KMT2A: variants seen among roughly 807,000 people sequenced by gnomAD.
KMT2A encodes lysine methyltransferase 2A, also known as histone-lysine N-methyltransferase 2A.
A neutral mutation model predicts 345.3 loss-of-function variants in KMT2A; 16 were observed. That is an observed-to-expected ratio of 0.05 (90% CI 0.03 to 0.07). The LOEUF is 0.07. Among genes scored for constraint, KMT2A ranks in the 10% least tolerant of loss-of-function variants. The pLI, the probability that KMT2A is intolerant of heterozygous loss-of-function variation, is 1.00. For missense variants in KMT2A, 3,272 were observed against 4,841.6 expected (o/e 0.68, Z 9.62); for synonymous variants, 1,599 against 1,778.6 (o/e 0.90, Z 2.54).
chr11:118,457,042 C>T (rs1014177465), intron 1 of KMT2A, among the ~76,000 whole-genome samples: 4 of 152,014 alleles, frequency 2.6e-5, no homozygotes, highest in Non-Finnish European at 5.9e-5. Context: ...CCCCTTAATC[C>T]GTATGGCCAC....
chr11:118,519,552 C>A, intron 31 of KMT2A, 66 bp from the exon 32 acceptor site: 1 of 1,449,268 alleles, frequency 6.9e-7, no homozygotes, highest in Non-Finnish European at 9.6e-7. Context: ...ATAGGCATTT[C>A]TGTAGGACCA....
chr11:118,526,625 G>T lies in KMT2A; in HGVS notation c.*4453G>T. The stretch of plus-strand genomic sequence containing the variant: ...GAAAATGTGTCTAAAGTCCATCAGT[G>T]TTAACTCCCTGTGACAGGGATGAAG... On this transcript the variant is annotated 3_prime_UTR_variant, in exon 36 of 36. Coordinates refer to ENST00000534358, the MANE Select transcript of KMT2A (RefSeq NM_001197104.2). The T allele has an allele frequency of 8.7e-6, 2 of 230,762 alleles. No homozygotes were observed. Among genetic ancestry groups the T allele is most frequent in the Non-Finnish European group, 1.7e-5 (2 of 116,812 alleles). The allele number at this position is 230,762 out of a possible 1,614,324, so 14.3% of individuals were successfully genotyped here. A position where few individuals can be genotyped will look rare whatever the true frequency, so the allele number is the denominator to read the frequency against.
At chr11:118,468,943 C>G in intron 2 of KMT2A, 99 bp downstream of exon 2, 2 of 839,332 alleles carry the variant, frequency 2.4e-6, no homozygotes, top group Non-Finnish European at 2.0e-6. Context: ...CTCTACCATA[C>G]TTGGGTTAGG....
Position 118,471,982 on chromosome 11 carries a change from G to A in KMT2A, c.823G>A (p.Ala275Thr), listed in dbSNP as rs2134258617. The change falls in exon 3 of 36, where the codon GCA (alanine) becomes ACA (threonine). Residue 275 changes from alanine to threonine, a missense_variant. By Grantham distance (58) the Ala-to-Thr change is moderately conservative. This residue lies in a region of KMT2A where 412 missense variants were observed against 511.0 expected (regional missense o/e 0.81). Transcript: ENST00000534358. ...QQATKIKKLR[A>T]GKLSPLKSKF... is the part of the protein sequence containing the mutation. ...AGCCACAAAGATTAAAAAATTAAGA[G>A]CAGGTAAACTCTCTCCTCTCAAGTC... 1.2e-6 allele frequency: 2 copies of A among 1,614,060 alleles called. No individual in the cohort carries two copies. The highest frequency in any genetic ancestry group is 1.3e-5 in the African/African-American group (1 of 75,038).
Position 118,522,424 on chromosome 11 carries a change from G to GA in KMT2A, c.*255dup, listed in dbSNP as rs1950991025. The GA allele has an allele frequency of 2.1e-6, 1 of 465,912 alleles. No individual in the cohort carries two copies. The highest frequency in any genetic ancestry group is 1.9e-5 in the African/African-American group (1 of 52,000). The allele number at this position is 465,912 out of a possible 1,614,324, so 28.9% of individuals were successfully genotyped here. A position where few individuals can be genotyped will look rare whatever the true frequency, so the allele number is the denominator to read the frequency against. ...GGGCCCCTCCAATTGTTTACTGTTA[G>GA]AAAGTGGGAATGGGGTCCCTAGCAG... is the stretch of plus-strand genomic sequence containing the variant. On this transcript the variant is annotated 3_prime_UTR_variant, in exon 36 of 36. Transcript: ENST00000534358. The surrounding 1 kb of genome is among the most constrained non-coding windows in gnomAD (Gnocchi z 5.4).
At chr11:118,462,538 C>T (rs1340431978) in intron 1 of KMT2A, among the ~76,000 whole-genome samples, 2 of 151,926 alleles carry the variant, frequency 1.3e-5, no homozygotes, top group African/African-American at 4.8e-5. Context: ...AAGTATAGTT[C>T]ATTTTGACTA....
At chr11:118,469,135 TC>T (rs1296217658) in intron 2 of KMT2A, among the ~76,000 whole-genome samples, 3 of 105,648 alleles carry the variant, frequency 2.8e-5, no homozygotes, top group African/African-American at 1.1e-4. Context: ...ATGCTATCCC[TC>T]CCCCCTCCCC....
At chr11:118,471,520 C>A in intron 2 of KMT2A, 142 bp from the exon 3 acceptor site, 1 of 452,616 alleles carries the variant, frequency 2.2e-6, no homozygotes, top group Non-Finnish European at 3.8e-6. Flanking sequence ...AGAAACTAAG[C>A]ACAATTAAGA....
intron 8 of KMT2A, 60 bp downstream of exon 8, chr11:118,482,555 AGC>A: frequency 7.9e-7 from 1 of 1,262,658 alleles, no homozygotes; most frequent in Non-Finnish European, 1.1e-6. Flanking sequence ...TGTAGGGAAA[AGC>A]CTTATCCTTG....
chr11:118,477,346 G>A (rs1950054691), intron 4 of KMT2A, among the ~76,000 whole-genome samples: 1 of 152,082 alleles, frequency 6.6e-6, no homozygotes, highest in Non-Finnish European at 1.5e-5. Flanking sequence ...TCTCATGGCT[G>A]TCATATAGTT....
At position 118,437,000 on chromosome 11, in the gene KMT2A, C is replaced by T. The variant is rs1266181116; in HGVS notation, c.432+56C>T. ...GTCTCGACCCTCTGCGGAGCCCCCT[C>T]CCCTCCCCCATCCGGGATTGAGGAG... On this transcript the variant is annotated intron_variant, in intron 1 of 35. Coordinates refer to ENST00000534358, the MANE Select transcript of KMT2A (RefSeq NM_001197104.2). This position sits in a 1 kb window ranked among gnomAD's most constrained non-coding sequence, Gnocchi z 6.9. 6.6e-6 allele frequency: 9 copies of T among 1,366,398 alleles called. No individual in the cohort carries two copies. In the African/African-American group the frequency reaches 1.2e-4, roughly 18 times the overall value. The allele number at this position is 1,366,398 out of a possible 1,614,324, so 84.6% of individuals were successfully genotyped here.
In KMT2A at chr11:118,521,628, A is replaced by C. The variant is rs1555053594; in HGVS notation, c.11643+211A>C. On this transcript the variant is annotated intron_variant, in intron 35 of 35. Transcript: ENST00000534358. The surrounding 1 kb of genome is among the most constrained non-coding windows in gnomAD (Gnocchi z 5.3). ...AAGTTGCTCTTAGAAGGTTTGTCTG[A>C]GTGGCTCCTAGTATCAGAAGCAAAT... 1.3e-5 allele frequency among the ~76,000 whole-genome samples: 2 copies of C among 152,212 alleles called. No homozygotes were observed. The highest frequency in any genetic ancestry group is 2.9e-5 in the Non-Finnish European group (2 of 68,038).
At chr11:118,447,022 T>C (rs1230277727) in intron 1 of KMT2A, among the ~76,000 whole-genome samples, 3 of 152,224 alleles carry the variant, frequency 2.0e-5, no homozygotes, top group Non-Finnish European at 2.9e-5. Flanking sequence ...CTTAAAGTCT[T>C]TCCCATTTTG....
At chr11:118,489,944 A>T (rs1555042034) in intron 12 of KMT2A, 57 bp downstream of exon 12, 2 of 1,515,028 alleles carry the variant, frequency 1.3e-6, no homozygotes, top group Non-Finnish European at 1.8e-6. Context: ...TATTGGACTT[A>T]TGTAACTTGT....
In KMT2A at chr11:118,494,212, G is replaced by C; in HGVS notation, c.5179-76G>C. The C allele has an allele frequency of 1.3e-6, 1 of 763,870 alleles. No individual in the cohort carries two copies. The highest frequency in any genetic ancestry group is 1.5e-5 in the South Asian group (1 of 66,284). 47.3% of individuals were successfully genotyped at this position (763,870 alleles called of 1,614,324 possible). A position where few individuals can be genotyped will look rare whatever the true frequency, so the allele number is the denominator to read the frequency against. On this transcript the variant is annotated intron_variant, in intron 16 of 35. Transcript: ENST00000534358. The surrounding 1 kb of genome is among the most constrained non-coding windows in gnomAD (Gnocchi z 5.8). ...TTTCTGTTGGATCTCTGTGCTGGAT[G>C]ATTAAGGAGGGAAGAGGAAATGGTT...
chr11:118,436,778 C>T lies in KMT2A; in HGVS notation c.266C>T (p.Ala89Val). ...AAASAASSSS[A>V]SSSSSSSSSA... ...GCCTCAGCAGCCTCCTCGTCGTCCG[C>T]CTCGTCTTCGTCTTCGTCATCGTCC... The change falls in exon 1 of 36, where the codon GCC becomes GTC. Residue 89 changes from alanine (A) to valine (V), a missense_variant. Transcript: ENST00000534358. This position sits in a 1 kb window ranked among gnomAD's most constrained non-coding sequence, Gnocchi z 6.9. 1 of 1,605,274 alleles carries T rather than the reference C, an allele frequency of 6.2e-7. No individual in the cohort carries two copies. The highest frequency in any genetic ancestry group is 1.1e-5 in the South Asian group (1 of 90,350).
In KMT2A at chr11:118,471,867, A is replaced by T. The variant is rs782141865; in HGVS notation, c.708A>T (p.Thr236=). 6.2e-7 allele frequency: 1 copy of T among 1,612,640 alleles called. No individual in the cohort carries two copies. Residue 236 remains threonine (T), a synonymous_variant, in exon 3 of 36, where the codon ACA becomes ACT. Coordinates refer to ENST00000534358, the MANE Select transcript of KMT2A (RefSeq NM_001197104.2). ...PTFPGVKIKI[T]HGKDISELPK... ...TCCCTGGAGTAAAAATCAAAATAAC[A>T]CATGGAAAGGACATTTCAGAGTTAC...
chr11:118,476,570 A>G lies in KMT2A; in HGVS notation c.3157-235A>G, dbSNP rs1205788341. Among the ~76,000 whole-genome samples, 2 of 151,996 alleles carry G rather than the reference A, an allele frequency of 1.3e-5. No homozygotes were observed. The highest frequency in any genetic ancestry group is 4.8e-5 in the African/African-American group (2 of 41,368). On this transcript the variant is annotated intron_variant, in intron 3 of 35. Transcript: ENST00000534358. The surrounding 1 kb of genome is among the most constrained non-coding windows in gnomAD (Gnocchi z 4.1). ...GGTCTTGAACTCCTGGCCTCAAATG[A>G]TCTTCCCACCTCAAGCTGTTTTTTA...
intron 15 of KMT2A, among the ~76,000 whole-genome samples, chr11:118,492,628 G>A (rs1327928216): frequency 5.3e-5 from 8 of 152,330 alleles, no homozygotes; most frequent in East Asian, 1.9e-4. Context: ...GCAGTAAGCC[G>A]AGATCGCGCC....
Sources: allele counts gnomAD v4.1 joint callset (sites outside exome capture counted in the v4.1 genomes callset), GRCh38; gene constraint gnomAD v4.1.1; regional missense constraint gnomAD v4.1.1; non-coding constraint Gnocchi (gnomAD v3.1); transcripts MANE v1.5; gene names NCBI Gene and HGNC (gene_info 2026-07-23, HGNC 2026-07-21).